The following SPICE1 variants were observed in gnomAD, a reference collection of about 807,000 sequenced individuals.
SPICE1 encodes the protein spindle and centriole-associated protein 1.
SPICE1 carries 75 observed loss-of-function variants against 102.7 expected under a neutral mutation model. The ratio of observed to expected loss-of-function variants is 0.73; its 90% CI spans 0.61 to 0.88. SPICE1 has a LOEUF of 0.88. SPICE1 is among the 40% of genes least tolerant of loss of function. The pLI, the probability that SPICE1 is intolerant of heterozygous loss-of-function variation, is 0.00. For synonymous variants in SPICE1, 308 were observed against 350.3 expected (o/e 0.88, Z 1.35); for missense variants, 979 against 1,020.1 (o/e 0.96, Z 0.55).
chr3:113,513,078 A>G (rs7631138), intron 1 of SPICE1, among the ~76,000 whole-genome samples: 4 of 151,894 alleles, frequency 2.6e-5, no homozygotes, highest in Admixed American at 1.3e-4. Flanking sequence ...AAACAAACAC[A>G]CTGTGAAAAT....
intron 17 of SPICE1, among the ~76,000 whole-genome samples, chr3:113,446,319 T>G (rs1257672638): frequency 6.6e-6 from 1 of 152,212 alleles, no homozygotes; most frequent in Non-Finnish European, 1.5e-5. Flanking sequence ...CGTAAATATA[T>G]GGGAAGCTCT....
chr3:113,514,341 C>A (rs16861103), intron 1 of SPICE1: 10,080 of 191,072 alleles, frequency 0.053, 264 homozygotes, highest in African/African-American at 0.11. Context: ...AACAAGAACT[C>A]TTTCCAAACA....
rs752083288 is a variant in SPICE1 at position 113,453,558 on chromosome 3, C to T, written c.2050G>A (p.Ala684Thr). The T allele has an allele frequency of 1.2e-6, 2 of 1,614,152 alleles. No homozygotes were observed. The highest frequency in any genetic ancestry group is 2.2e-5 in the East Asian group (1 of 44,882). ...GGCTCAATAATATTATTCATATGTG[C>T]CTTGATAGCTGAATTCTGCAATGTC... ...DLTLQNSAIK[A>T]HMNNIIEPRG... The change falls in exon 14 of 18, where the codon GCA (alanine) becomes ACA (threonine). Residue 684 changes from alanine to threonine, a missense_variant. Coordinates refer to ENST00000295872, the MANE Select transcript of SPICE1 (RefSeq NM_144718.4).
chr3:113,506,896 A>G (rs1206719332), intron 1 of SPICE1, among the ~76,000 whole-genome samples: 2 of 152,240 alleles, frequency 1.3e-5, no homozygotes, highest in African/African-American at 4.8e-5. Flanking sequence ...GAACTAAGAC[A>G]TTCGTCATAA....
At chr3:113,480,225 GA>G (rs879280768) in intron 7 of SPICE1, among the ~76,000 whole-genome samples, 38 of 140,290 alleles carry the variant, frequency 2.7e-4, no homozygotes, top group Admixed American at 2.8e-4. Flanking sequence ...CTTCCCCACA[GA>G]AAAAAAAAAA....
intron 7 of SPICE1, among the ~76,000 whole-genome samples, chr3:113,475,688 T>A (rs1179665934): frequency 6.6e-6 from 1 of 152,152 alleles, no homozygotes; most frequent in African/African-American, 2.4e-5. Flanking sequence ...AAAAACCACA[T>A]AATTATCTCA....
chr3:113,451,539 G>A (rs1935652368), intron 14 of SPICE1, among the ~76,000 whole-genome samples: 1 of 152,108 alleles, frequency 6.6e-6, no homozygotes, highest in Admixed American at 6.5e-5. Flanking sequence ...AAACAAAAGA[G>A]GGTAGTGAAG....
chr3:113,510,959 C>T (rs980424609), intron 1 of SPICE1, among the ~76,000 whole-genome samples: 2 of 152,126 alleles, frequency 1.3e-5, no homozygotes, highest in Admixed American at 1.3e-4. Context: ...AGGACATGAA[C>T]ACAAACTTCT....
Position 113,468,333 on chromosome 3 carries a change from C to A in SPICE1, c.961G>T (p.Ala321Ser), listed in dbSNP as rs780026428. ...KNISSGSTTSADLPNRTNSNL... is the reference protein window; with the variant it reads ...KNISSGSTTSSDLPNRTNSNL... The stretch of plus-strand genomic sequence containing the variant: ...GAATTAGTCCTATTTGGTAAGTCTG[C>A]AGAGGTTGTGCTACCTGATGATATG... Residue 321 changes from alanine to serine, a missense_variant, in exon 10 of 18, where the codon GCA (alanine) becomes TCA (serine). Coordinates refer to ENST00000295872, the MANE Select transcript of SPICE1 (RefSeq NM_144718.4). 8.1e-6 allele frequency: 13 copies of A among 1,614,182 alleles called. No homozygotes were observed. The highest frequency in any genetic ancestry group is 1.1e-5 in the Non-Finnish European group (13 of 1,180,034).
At chr3:113,473,529 C>T (rs1358411553) in intron 7 of SPICE1, among the ~76,000 whole-genome samples, 2 of 152,002 alleles carry the variant, frequency 1.3e-5, no homozygotes, top group African/African-American at 4.8e-5. Flanking sequence ...TTAAGGGCAG[C>T]CAGAGAGAAA....
rs1353690552 is a variant in SPICE1, at chr3:113,450,329, G to C, written c.2323+7C>G. 6.2e-7 allele frequency: 1 copy of C among 1,613,774 alleles called. No homozygotes were observed. The highest frequency in any genetic ancestry group is 8.5e-7 in the Non-Finnish European group (1 of 1,179,816). On this transcript the variant is annotated splice_region_variant and intron_variant, in intron 15 of 17. Coordinates refer to ENST00000295872, the MANE Select transcript of SPICE1 (RefSeq NM_144718.4). ...TCTAGTTTTTAAATCATGAATTTGT[G>C]ACCAACCAGTCCATGCTCTGAGAGG...
At chr3:113,482,046 C>T (rs1936521731) in intron 7 of SPICE1, among the ~76,000 whole-genome samples, 1 of 152,216 alleles carries the variant, frequency 6.6e-6, no homozygotes, top group Non-Finnish European at 1.5e-5. Flanking sequence ...TAAAAGCATT[C>T]TTATTGCTCC....
chr3:113,493,736 C>T (rs1936814680), intron 5 of SPICE1, among the ~76,000 whole-genome samples: 1 of 152,160 alleles, frequency 6.6e-6, no homozygotes, highest in Non-Finnish European at 1.5e-5. Context: ...ACTGAAGTTG[C>T]TTTAGGTTTC....
At chr3:113,475,196 A>C (rs1039219763) in intron 7 of SPICE1, among the ~76,000 whole-genome samples, 7 of 152,342 alleles carry the variant, frequency 4.6e-5, no homozygotes, top group South Asian at 2.1e-4. Context: ...GAAATGGATA[A>C]ATTCCTCGAC....
At chr3:113,514,775 A>G in intron 1 of SPICE1, 122 bp downstream of exon 1, 4 of 1,287,158 alleles carry the variant, frequency 3.1e-6, no homozygotes, top group Non-Finnish European at 3.0e-6. Context: ...CCCCAACGCT[A>G]CAATCGAGCA....
intron 7 of SPICE1, among the ~76,000 whole-genome samples, chr3:113,484,410 T>C (rs899381984): frequency 2.0e-5 from 3 of 152,118 alleles, no homozygotes; most frequent in African/African-American, 7.2e-5. Flanking sequence ...TTATTTCTTG[T>C]CTTCTGCTAA....
chr3:113,463,040 C>T (rs945231764), intron 11 of SPICE1, among the ~76,000 whole-genome samples: 2 of 152,162 alleles, frequency 1.3e-5, no homozygotes, highest in Non-Finnish European at 2.9e-5. Flanking sequence ...GCAAGACCTT[C>T]GCACTTGCTT....
chr3:113,454,522 A>G (rs1935736440), intron 13 of SPICE1, among the ~76,000 whole-genome samples: 1 of 152,114 alleles, frequency 6.6e-6, no homozygotes, highest in African/African-American at 2.4e-5. Context: ...CAGCCTGGCC[A>G]ACATAGTGAA....
intron 15 of SPICE1, 76 bp downstream of exon 15, chr3:113,450,260 T>C (rs1411380411): frequency 6.4e-7 from 1 of 1,566,328 alleles, no homozygotes; most frequent in Non-Finnish European, 8.8e-7. Flanking sequence ...TCTTTTGGCT[T>C]AATATAAACT....
Sources: gnomAD v4.1 joint callset for allele counts (sites outside exome capture counted in the v4.1 genomes callset) on GRCh38, gnomAD v4.1.1 for gene constraint, MANE v1.5 for transcripts, NCBI Gene and HGNC (gene_info 2026-07-23, HGNC 2026-07-21) for gene names.